The following UGT1A3 variants were observed in gnomAD, a reference collection of about 807,000 sequenced individuals.
UGT1A3 encodes UDP glucuronosyltransferase family 1 member A3, also known as UDP-glucuronosyltransferase 1A3.
A neutral mutation model predicts 41.0 loss-of-function variants in UGT1A3; 31 were observed. The ratio of observed to expected loss-of-function variants is 0.76; its 90% confidence interval spans 0.57 to 1.02. UGT1A3 has a LOEUF of 1.02. Ranked by LOEUF, UGT1A3 falls within the 50% of genes least tolerant of loss-of-function variation. The probability of loss-of-function intolerance (pLI) is 0.00; values close to 1 mark genes in which losing one functional copy is unlikely to be tolerated. For missense variants in UGT1A3, 737 were observed against 671.0 expected, an observed-to-expected ratio of 1.10 and a Z score of -1.09; for synonymous variants, 262 against 257.6, an observed-to-expected ratio of 1.02 and a Z score of -0.17.
In UGT1A3 at chr2:233,772,281, C is replaced by T. The variant is rs143033456; in HGVS notation, c.1327C>T (p.Arg443Cys). ...NDKSYKENIM[R>C]LSSLHKDRPV... is the part of the protein sequence containing the mutation. ...GTTTAGTTACAAGGAGAACATCATG[C>T]GCCTCTCCAGCCTTCACAAGGACCG... The change falls in exon 5 of 5, where the codon CGC becomes TGC. Residue 443 changes from arginine to cysteine, a missense_variant. Physicochemically the swap from Arg to Cys is radical, Grantham distance 180. Coordinates refer to ENST00000482026, the MANE Select transcript of UGT1A3 (RefSeq NM_019093.4). 1.3e-4 allele frequency: 210 copies of T among 1,614,084 alleles called. 1 individual carries two copies. Among genetic ancestry groups the T allele is most frequent in the Non-Finnish European group, 1.7e-4 (200 of 1,180,048 alleles).
chr2:233,767,774 T>C lies in UGT1A3; in HGVS notation c.1000-75T>C, dbSNP rs749703763. On this transcript the variant is annotated intron_variant, in intron 2 of 4. Transcript: ENST00000482026. ...GTTCCTTCAGAGGACCCCTGTTTTC[T>C]AGTTAGTATAGCAGATTTGTTTTCT... The C allele has an allele frequency of 2.2e-5, 36 of 1,612,214 alleles. No homozygotes were observed. In the South Asian group the frequency reaches 3.9e-4, roughly 17 times the overall value.
chr2:233,751,035 T>C (rs1231285641), intron 1 of UGT1A3, among the ~76,000 whole-genome samples: 3 of 151,854 alleles, frequency 2.0e-5, no homozygotes, highest in African/African-American at 7.3e-5. Context: ...TAGCTTGCAC[T>C]GTGTGCCTGG....
chr2:233,770,939 G>A (rs923528747), intron 4 of UGT1A3: 1 of 152,144 alleles, frequency 6.6e-6, no homozygotes, highest in African/African-American at 2.4e-5. Context: ...TTGGCTGCCG[G>A]GGGAACCTCA....
intron 1 of UGT1A3, among the ~76,000 whole-genome samples, chr2:233,744,592 A>ATC (rs938838610): frequency 2.6e-5 from 4 of 151,912 alleles, no homozygotes; most frequent in East Asian, 1.9e-4. Context: ...CAGTTTTTGC[A>ATC]TCTCTCTTTA....
intron 1 of UGT1A3, chr2:233,761,102 T>A: frequency 6.2e-7 from 1 of 1,614,234 alleles, no homozygotes; most frequent in Non-Finnish European, 8.5e-7. Context: ...ATGCCCAATA[T>A]GGTTTTTGTT....
At chr2:233,747,587 T>C (rs1416788712) in intron 1 of UGT1A3, 8 of 1,579,890 alleles carry the variant, frequency 5.1e-6, no homozygotes, top group Non-Finnish European at 3.5e-6. Context: ...TGGTCTTTCA[T>C]AGGTCTTGTG....
rs1696611113 is a variant in UGT1A3 at position 233,757,545 on chromosome 2, T to TATAC, written c.868-9486_868-9485insCATA. 2.9e-4 allele frequency among the ~76,000 whole-genome samples: 19 copies of TATAC among 65,910 alleles called. 1 individual carries two copies. The highest frequency in any genetic ancestry group is 6.3e-4 in the African/African-American group (10 of 15,854). The allele number at this position is 65,910 out of a possible 152,430, so 43.2% of individuals were successfully genotyped here. On this transcript the variant is annotated intron_variant, in intron 1 of 4. Coordinates refer to ENST00000482026, the MANE Select transcript of UGT1A3 (RefSeq NM_019093.4). ...ATCTTGCCTGTAAGGAATATATATA[T>TATAC]ATATATATATATATATGTATATATG...
In UGT1A3 at chr2:233,767,076, G is replaced by A. The variant is rs770930440; in HGVS notation, c.910G>A (p.Val304Met). The A allele has an allele frequency of 8.1e-6, 13 of 1,614,020 alleles. No individual in the cohort carries two copies. The highest frequency in any genetic ancestry group is 1.6e-4 in the Middle Eastern group (1 of 6,082). ...TAATGCTTCTGGAGAACATGGAATT[G>A]TGGTTTTCTCTTTGGGATCAATGGT... is the stretch of plus-strand genomic sequence containing the variant. ...YINASGEHGI[V>M]VFSLGSMVSE... is the part of the protein sequence containing the mutation. The change falls in exon 2 of 5, where the codon GTG becomes ATG. Residue 304 changes from valine (V) to methionine (M), a missense_variant. Val to Met is a conservative substitution (Grantham distance 21). Coordinates refer to ENST00000482026, the MANE Select transcript of UGT1A3 (RefSeq NM_019093.4).
chr2:233,761,113 G>T (rs72551345), intron 1 of UGT1A3: 1 of 1,614,106 alleles, frequency 6.2e-7, no homozygotes, highest in South Asian at 1.1e-5. Flanking sequence ...GGTTTTTGTT[G>T]GTGGAATCAA....
At position 233,730,468 on chromosome 2, in the gene UGT1A3, C is replaced by T. The variant is rs1456755301; in HGVS notation, c.867+475C>T. ...TGATAGACAGGTGACCACAGGAGAC[C>T]TAGGCACTCACATGAAATAGAAGTG... On this transcript the variant is annotated intron_variant, in intron 1 of 4. Coordinates refer to ENST00000482026, the MANE Select transcript of UGT1A3 (RefSeq NM_019093.4). 5.3e-5 allele frequency among the ~76,000 whole-genome samples: 8 copies of T among 152,226 alleles called. No individual in the cohort carries two copies. In the East Asian group the frequency reaches 1.3e-3, roughly 26 times the overall value.
intron 1 of UGT1A3, among the ~76,000 whole-genome samples, chr2:233,764,100 A>T (rs549144830): frequency 7.2e-5 from 11 of 152,262 alleles, no homozygotes; most frequent in Non-Finnish European, 1.6e-4. Context: ...AACTAAAAAT[A>T]CAAAATTCTT....
chr2:233,729,881 C>T lies in UGT1A3; in HGVS notation c.755C>T (p.Ala252Val), dbSNP rs1164878821. 3 of 1,613,778 alleles carry T rather than the reference C, an allele frequency of 1.9e-6. No homozygotes were observed. The highest frequency in any genetic ancestry group is 3.3e-5 in the Admixed American group (2 of 59,980). ...EVSVVDILSH[A>V]SVWLFRGDFV... ...TCAGTGGTGGATATTCTCAGTCATG[C>T]ATCTGTGTGGCTGTTCCGAGGGGAC... The change falls in exon 1 of 5, where the codon GCA (alanine) becomes GTA (valine). Residue 252 changes from alanine (A) to valine (V), a missense_variant. Coordinates refer to ENST00000482026, the MANE Select transcript of UGT1A3 (RefSeq NM_019093.4).
rs373016756 is a variant in UGT1A3 at position 233,729,089 on chromosome 2, G to T, written c.-38G>T. The T allele has an allele frequency of 1.2e-6, 2 of 1,612,560 alleles. No individual in the cohort carries two copies. The highest frequency in any genetic ancestry group is 1.7e-6 in the Non-Finnish European group (2 of 1,179,900). The stretch of plus-strand genomic sequence containing the variant: ...AGAAAGCAAATGTAGCAGGCACAGC[G>T]TGGGGTGGACAGTCAGCTGTCCGTG... On this transcript the variant is annotated 5_prime_UTR_variant, in exon 1 of 5. Coordinates refer to ENST00000482026, the MANE Select transcript of UGT1A3 (RefSeq NM_019093.4).
chr2:233,764,530 T>C (rs572226432), intron 1 of UGT1A3, among the ~76,000 whole-genome samples: 7 of 152,338 alleles, frequency 4.6e-5, no homozygotes, highest in African/African-American at 1.7e-4. Flanking sequence ...ATCCTGCTGA[T>C]TGCTGAGTGG....
At position 233,765,603 on chromosome 2, in the gene UGT1A3, T is replaced by C. The variant is rs376691829; in HGVS notation, c.868-1431T>C. ...GGGGAACAACACACACCAGGGCTTG[T>C]GGCGGGGTGAGGGGTGAGGGGAGGA... On this transcript the variant is annotated intron_variant, in intron 1 of 4. Coordinates refer to ENST00000482026, the MANE Select transcript of UGT1A3 (RefSeq NM_019093.4). Among the ~76,000 whole-genome samples, 8 of 151,018 alleles carry C rather than the reference T, an allele frequency of 5.3e-5. No individual in the cohort carries two copies. In the East Asian group the frequency reaches 5.8e-4, roughly 11 times the overall value.
intron 1 of UGT1A3, among the ~76,000 whole-genome samples, chr2:233,757,432 C>T (rs1207849155): frequency 1.3e-5 from 2 of 151,156 alleles, no homozygotes; most frequent in Non-Finnish European, 2.9e-5. Context: ...GAAGAAAAGT[C>T]ACTTCTATAC....
At chr2:233,746,286 G>A (rs1374817332) in intron 1 of UGT1A3, among the ~76,000 whole-genome samples, 1 of 151,716 alleles carries the variant, frequency 6.6e-6, no homozygotes, top group Non-Finnish European at 1.5e-5. Context: ...TTCAAGGAAG[G>A]TGGCTTTGTT....
rs146169334 is a variant in UGT1A3 at position 233,742,180 on chromosome 2, T to C, written c.867+12187T>C. 6.3e-4 allele frequency among the ~76,000 whole-genome samples: 95 copies of C among 151,416 alleles called. 3 individuals carry two copies. The highest frequency in any genetic ancestry group is 2.3e-3 in the African/African-American group (94 of 40,990). On this transcript the variant is annotated intron_variant, in intron 1 of 4. Transcript: ENST00000482026. Reference sequence around the variant, plus strand: ...AAGACACACACACAGAAATATAGAGTGTGGAGTGGGAAATCAGGGGACTCA... The same window carrying C: ...AAGACACACACACAGAAATATAGAGCGTGGAGTGGGAAATCAGGGGACTCA...
chr2:233,760,186 C>A (rs1697340087), intron 1 of UGT1A3: 1 of 1,558,560 alleles, frequency 6.4e-7, no homozygotes, highest in African/African-American at 1.4e-5. Flanking sequence ...TTTTTATAGT[C>A]ACGTGACACA....
Sources: gnomAD v4.1 joint callset for allele counts (sites outside exome capture counted in the v4.1 genomes callset) on GRCh38, gnomAD v4.1.1 for gene constraint, MANE v1.5 for transcripts, NCBI Gene and HGNC (gene_info 2026-07-23, HGNC 2026-07-21) for gene names.